The following COG5 variants were observed in gnomAD, a reference collection of about 807,000 sequenced individuals.
COG5 encodes component of oligomeric golgi complex 5.
Under a neutral mutation model 110.4 loss-of-function variants are expected in COG5, and 86 were observed. The ratio of observed to expected loss-of-function variants is 0.78; its 90% confidence interval spans 0.65 to 0.93. The LOEUF (loss-of-function observed/expected upper bound fraction) is 0.93. COG5 is among the 40% of genes least tolerant of loss of function. The pLI is 0.00. For synonymous variants in COG5, 360 were observed against 334.6 expected, an observed-to-expected ratio of 1.08 and a Z score of -0.83; for missense variants, 1,077 against 987.0, an observed-to-expected ratio of 1.09 and a Z score of -1.22.
intron 6 of COG5, among the ~76,000 whole-genome samples, chr7:107,501,194 T>G (rs1388838947): frequency 6.6e-6 from 1 of 152,058 alleles, no homozygotes; most frequent in African/African-American, 2.4e-5. Context: ...TGAGGCACTT[T>G]GTTTAGATTA....
chr7:107,333,773 C>T (rs1014679127), intron 10 of COG5, among the ~76,000 whole-genome samples: 4 of 152,052 alleles, frequency 2.6e-5, no homozygotes, highest in Non-Finnish European at 5.9e-5. Context: ...TTAATGCTAA[C>T]TAGAACAGTA....
chr7:107,228,438 T>G (rs1269539193), intron 19 of COG5, among the ~76,000 whole-genome samples: 1 of 152,084 alleles, frequency 6.6e-6, no homozygotes, highest in African/African-American at 2.4e-5. Flanking sequence ...AGGGCAACAT[T>G]TTATTACCCA....
At chr7:107,429,766 A>G (rs1420070097) in intron 6 of COG5, among the ~76,000 whole-genome samples, 2 of 152,128 alleles carry the variant, frequency 1.3e-5, no homozygotes, top group African/African-American at 4.8e-5. Flanking sequence ...GGTTTTATGA[A>G]GGAGAGTTTC....
intron 6 of COG5, among the ~76,000 whole-genome samples, chr7:107,433,498 T>C (rs1584816871): frequency 6.6e-6 from 1 of 152,150 alleles, no homozygotes; most frequent in East Asian, 1.9e-4. Context: ...ATCAGTGGAA[T>C]AGAGAGCCCA....
At chr7:107,446,849 C>T (rs4730245) in intron 6 of COG5, among the ~76,000 whole-genome samples, 40,443 of 152,124 alleles carry the variant, frequency 0.27, 5,505 homozygotes, top group East Asian at 0.33. Flanking sequence ...TGGATTCCCA[C>T]CCCTTTGCAT....
At chr7:107,254,604 G>C (rs1333183114) in intron 16 of COG5, among the ~76,000 whole-genome samples, 1 of 152,096 alleles carries the variant, frequency 6.6e-6, no homozygotes, top group Admixed American at 6.6e-5. Flanking sequence ...GCTACACACA[G>C]CACTGGTCCT....
intron 7 of COG5, among the ~76,000 whole-genome samples, chr7:107,376,032 C>T (rs1814611269): frequency 6.6e-6 from 1 of 151,974 alleles, no homozygotes; most frequent in African/African-American, 2.4e-5. Flanking sequence ...TGTTTTTCTA[C>T]ATGAATACCC....
chr7:107,332,718 A>G (rs1810367190), intron 10 of COG5, among the ~76,000 whole-genome samples: 1 of 152,166 alleles, frequency 6.6e-6, no homozygotes, highest in Admixed American at 6.5e-5. Context: ...GCAAAAGAGA[A>G]GCAGGGAAGT....
intron 11 of COG5, among the ~76,000 whole-genome samples, chr7:107,299,558 G>A (rs1431329029): frequency 6.6e-6 from 1 of 151,780 alleles, no homozygotes; most frequent in Non-Finnish European, 1.5e-5. Context: ...AAAAACTTCA[G>A]GCTTAGATGA....
At chr7:107,267,281 G>C (rs1027377688) in intron 14 of COG5, among the ~76,000 whole-genome samples, 2 of 152,144 alleles carry the variant, frequency 1.3e-5, no homozygotes, top group African/African-American at 4.8e-5. Context: ...CAATACAGGG[G>C]ATAAGAAACG....
At chr7:107,491,340 G>A (rs1797963341) in intron 6 of COG5, among the ~76,000 whole-genome samples, 2 of 152,018 alleles carry the variant, frequency 1.3e-5, no homozygotes, top group South Asian at 4.1e-4. Context: ...TCAAGCTGGA[G>A]GATGTGGGTT....
intron 2 of COG5, among the ~76,000 whole-genome samples, chr7:107,556,818 T>G (rs940819470): frequency 6.6e-6 from 1 of 152,018 alleles, no homozygotes; most frequent in Non-Finnish European, 1.5e-5. Context: ...TTGCCCAGGC[T>G]TGAGTGCAAT....
intron 10 of COG5, among the ~76,000 whole-genome samples, chr7:107,361,826 C>G (rs535328109): frequency 2.0e-5 from 3 of 152,324 alleles, no homozygotes; most frequent in African/African-American, 7.2e-5. Context: ...TCCCAAAGTG[C>G]TGGGATTACA....
At chr7:107,257,335 T>A (rs1360053473) in intron 15 of COG5, among the ~76,000 whole-genome samples, 1 of 152,124 alleles carries the variant, frequency 6.6e-6, no homozygotes, top group African/African-American at 2.4e-5. Flanking sequence ...TAGTGTTTTT[T>A]AATAATTTTT....
At chr7:107,299,873 A>AATATATATAT (rs145472519) in intron 11 of COG5, among the ~76,000 whole-genome samples, 2,579 of 124,424 alleles carry the variant, frequency 0.021, 34 homozygotes, top group South Asian at 0.036. Context: ...AATTATCTGG[A>AATATATATAT]ATATATATAT....
intron 5 of COG5, among the ~76,000 whole-genome samples, chr7:107,532,917 A>C (rs1020949731): frequency 6.6e-6 from 1 of 152,130 alleles, no homozygotes; most frequent in Non-Finnish European, 1.5e-5. Flanking sequence ...ATTACACACT[A>C]TTCTTTATAA....
At chr7:107,217,035 G>A (rs1194726938) in intron 19 of COG5, among the ~76,000 whole-genome samples, 3 of 151,850 alleles carry the variant, frequency 2.0e-5, no homozygotes, top group Admixed American at 2.0e-4. Context: ...TGAAAGAGAA[G>A]ATATTACAAC....
intron 7 of COG5, among the ~76,000 whole-genome samples, chr7:107,404,908 A>G (rs1791705862): frequency 6.8e-6 from 1 of 147,224 alleles, no homozygotes; most frequent in South Asian, 2.1e-4. Context: ...AAAAAAAAAA[A>G]CAGTTGGCCA....
chr7:107,429,970 G>T (rs537766874), intron 6 of COG5, among the ~76,000 whole-genome samples: 1 of 152,226 alleles, frequency 6.6e-6, no homozygotes, highest in East Asian at 1.9e-4. Context: ...TGTCTTTTTT[G>T]AGTTGTAAGG....
Sources: allele counts gnomAD v4.1 joint callset (sites outside exome capture counted in the v4.1 genomes callset), GRCh38; gene constraint gnomAD v4.1.1; transcripts MANE v1.5; gene names NCBI Gene and HGNC (gene_info 2026-07-23, HGNC 2026-07-21).